Variants in CEP128 observed in about 807,000 individuals in gnomAD.
CEP128 encodes the protein centrosomal protein 128kDa.
In CEP128, 132 loss-of-function variants were observed where a neutral mutation model predicts 156.7. The observed-to-expected ratio is 0.84, with a 90% CI of 0.73 to 0.97. CEP128 has a LOEUF of 0.97. CEP128 is among the 50% of genes least tolerant of loss of function. The probability of loss-of-function intolerance (pLI) is 0.00; values close to 1 mark genes in which losing one functional copy is unlikely to be tolerated. For missense variants in CEP128, 1,252 were observed against 1,281.9 expected, an observed-to-expected ratio of 0.98 and a Z score of 0.36; for synonymous variants, 469 against 448.9, an observed-to-expected ratio of 1.04 and a Z score of -0.57.
chr14:80,552,152 A>G (rs1044983082), intron 21 of CEP128, among the ~76,000 whole-genome samples: 3 of 152,184 alleles, frequency 2.0e-5, no homozygotes, highest in East Asian at 1.9e-4. Flanking sequence ...ACAAAAACCA[A>G]TTCTCAGTTA....
chr14:80,724,693 T>TC (rs1277036347), intron 19 of CEP128, among the ~76,000 whole-genome samples: 4 of 151,990 alleles, frequency 2.6e-5, no homozygotes, highest in Non-Finnish European at 5.9e-5. Flanking sequence ...GCTACTGATT[T>TC]CTATACACTG....
Position 80,777,531 on chromosome 14 carries a change from G to T in CEP128, c.2376+351C>A, listed in dbSNP as rs1313347280. On this transcript the variant is annotated intron_variant, in intron 16 of 24. Coordinates refer to ENST00000555265, the MANE Select transcript of CEP128 (RefSeq NM_152446.5). ...GACTAAGACACTAACTCAAAGAGTT[G>T]TAAGACTTAAATGATGGATAGACAT... 2.6e-5 allele frequency among the ~76,000 whole-genome samples: 4 copies of T among 152,340 alleles called. No homozygotes were observed. In the East Asian group the frequency reaches 7.7e-4, roughly 29 times the overall value.
chr14:80,911,135 C>T (rs1484592659), intron 4 of CEP128, among the ~76,000 whole-genome samples: 1 of 152,168 alleles, frequency 6.6e-6, no homozygotes, highest in South Asian at 2.1e-4. Context: ...TACACTCCAA[C>T]CTAAATCTAT....
At chr14:80,797,588 G>T (rs760452115) in intron 13 of CEP128, among the ~76,000 whole-genome samples, 2 of 151,894 alleles carry the variant, frequency 1.3e-5, no homozygotes, top group African/African-American at 4.8e-5. Flanking sequence ...CCATTGTTTC[G>T]GCATTTCTTT....
chr14:80,940,743 C>T (rs759101633), intron 1 of CEP128, among the ~76,000 whole-genome samples: 4 of 151,514 alleles, frequency 2.6e-5, no homozygotes, highest in Admixed American at 1.3e-4. Context: ...TTCTATATTG[C>T]GCTAAATAAA....
At chr14:80,556,843 T>C (rs1272175996) in intron 21 of CEP128, among the ~76,000 whole-genome samples, 1 of 152,180 alleles carries the variant, frequency 6.6e-6, no homozygotes, top group African/African-American at 2.4e-5. Context: ...TAAATGATCT[T>C]GAGATAGCTT....
intron 19 of CEP128, among the ~76,000 whole-genome samples, chr14:80,639,571 G>A (rs112608316): frequency 6.6e-6 from 1 of 152,056 alleles, no homozygotes; most frequent in South Asian, 2.1e-4. Context: ...ACATTTGTTA[G>A]ATCCCTTATA....
At chr14:80,915,295 T>C (rs1202803580) in intron 3 of CEP128, among the ~76,000 whole-genome samples, 2 of 152,178 alleles carry the variant, frequency 1.3e-5, no homozygotes, top group African/African-American at 4.8e-5. Context: ...GTGCTAGGAT[T>C]ACAGGCATGA....
chr14:80,684,426 T>C (rs1383581723), intron 19 of CEP128, among the ~76,000 whole-genome samples: 1 of 151,836 alleles, frequency 6.6e-6, no homozygotes, highest in Non-Finnish European at 1.5e-5. Context: ...CAGAACCATA[T>C]CGAGTTCCAA....
chr14:80,807,875 T>G (rs1358417995), intron 13 of CEP128, among the ~76,000 whole-genome samples: 1 of 152,188 alleles, frequency 6.6e-6, no homozygotes, highest in East Asian at 1.9e-4. Flanking sequence ...GACATCTCCC[T>G]GTGTCCCCCA....
intron 10 of CEP128, among the ~76,000 whole-genome samples, chr14:80,839,354 G>A (rs1225337192): frequency 6.6e-6 from 1 of 152,154 alleles, no homozygotes; most frequent in Non-Finnish European, 1.5e-5. Flanking sequence ...ACTGCTATCT[G>A]TATATTAATC....
chr14:80,763,701 T>C (rs1900084789), intron 16 of CEP128, among the ~76,000 whole-genome samples: 4 of 152,170 alleles, frequency 2.6e-5, no homozygotes, highest in Admixed American at 2.6e-4. Context: ...AACTGTTAAT[T>C]TCAGGAGTCC....
Position 80,496,575 on chromosome 14 carries a change from T to TACC in CEP128, c.*903_*904insGGT. On this transcript the variant is annotated 3_prime_UTR_variant, in exon 25 of 25. Coordinates refer to ENST00000555265, the MANE Select transcript of CEP128 (RefSeq NM_152446.5). ...TGAAAGTTTACTATTACTTAGCATT[T>TACC]AATATAAATCCTTCTCCACTAGGAG... 2 of 152,692 alleles carry TACC rather than the reference T, an allele frequency of 1.3e-5. No homozygotes were observed. The allele number at this position is 152,692 out of a possible 1,614,324, so 9.5% of individuals were successfully genotyped here.
At position 80,754,459 on chromosome 14, in the gene CEP128, CTTT is replaced by C. The variant is rs758603562; in HGVS notation, c.2613+2430_2613+2432del. Among the ~76,000 whole-genome samples, 191 of 104,800 alleles carry C rather than the reference CTTT, an allele frequency of 1.8e-3. 1 individual carries two copies. The highest frequency in any genetic ancestry group is 6.5e-3 in the African/African-American group (167 of 25,708). The allele number at this position is 104,800 out of a possible 152,430, so 68.8% of individuals were successfully genotyped here. On this transcript the variant is annotated intron_variant, in intron 18 of 24. Coordinates refer to ENST00000555265, the MANE Select transcript of CEP128 (RefSeq NM_152446.5). ...CTAAAGACCAGGACAATGTCCTGTT[CTTT>C]TTTTTTTTTTTTTTTTTTTGAGATG...
intron 20 of CEP128, among the ~76,000 whole-genome samples, chr14:80,577,135 T>C (rs1891394006): frequency 6.6e-6 from 1 of 152,210 alleles, no homozygotes; most frequent in Admixed American, 6.5e-5. Flanking sequence ...TAGATTCCTT[T>C]GCAAGATTTT....
intron 19 of CEP128, among the ~76,000 whole-genome samples, chr14:80,714,626 C>G (rs1231341318): frequency 6.6e-6 from 1 of 151,934 alleles, no homozygotes; most frequent in African/African-American, 2.4e-5. Flanking sequence ...ACAGGCAAAC[C>G]TCAAACTTCC....
intron 13 of CEP128, among the ~76,000 whole-genome samples, chr14:80,802,134 C>G (rs1352602776): frequency 1.3e-5 from 2 of 151,918 alleles, no homozygotes; most frequent in Admixed American, 6.6e-5. Flanking sequence ...TAGGGTGATT[C>G]CTCAAGAATC....
chr14:80,833,094 T>C (rs971663566), intron 12 of CEP128, among the ~76,000 whole-genome samples: 4 of 152,154 alleles, frequency 2.6e-5, no homozygotes, highest in African/African-American at 7.2e-5. Flanking sequence ...CTACTTCTGA[T>C]AGGTAACCAA....
intron 19 of CEP128, among the ~76,000 whole-genome samples, chr14:80,733,941 C>T (rs1170664159): frequency 4.6e-5 from 7 of 152,150 alleles, no homozygotes; most frequent in Admixed American, 4.6e-4. Context: ...ATTAAATTTA[C>T]TAAGTGCAGT....
Sources: allele counts gnomAD v4.1 joint callset (sites outside exome capture counted in the v4.1 genomes callset), GRCh38; gene constraint gnomAD v4.1.1; transcripts MANE v1.5; gene names NCBI Gene and HGNC (gene_info 2026-07-23, HGNC 2026-07-21).